The following HBP1 variants were observed in gnomAD, a reference collection of about 807,000 sequenced individuals.
HBP1 encodes the protein HMG-box transcription factor 1.
HBP1 carries 20 observed loss-of-function variants against 62.6 expected under a neutral mutation model. The ratio of observed to expected loss-of-function variants is 0.32; its 90% CI spans 0.22 to 0.46. The LOEUF (loss-of-function observed/expected upper bound fraction) is 0.46. HBP1 is among the 20% of genes least tolerant of loss of function. The pLI is 1.00. For missense variants in HBP1, 480 were observed against 611.8 expected, an observed-to-expected ratio of 0.78 and a Z score of 2.27; for synonymous variants, 232 against 206.2, an observed-to-expected ratio of 1.12 and a Z score of -1.07.
intron 9 of HBP1, among the ~76,000 whole-genome samples, chr7:107,198,739 CAT>C (rs1798050436): frequency 1.3e-5 from 2 of 152,280 alleles, no homozygotes; most frequent in South Asian, 2.1e-4. Context: ...AGGTCAGAGA[CAT>C]GTAGCTCATT....
At chr7:107,180,277 T>G (rs1278626713) in intron 2 of HBP1, among the ~76,000 whole-genome samples, 1 of 152,234 alleles carries the variant, frequency 6.6e-6, no homozygotes, top group Admixed American at 6.5e-5. Context: ...ATTTACAGAT[T>G]GTTAAATTAA....
chr7:107,193,456 A>T (rs1365320702), intron 8 of HBP1, among the ~76,000 whole-genome samples: 1 of 152,128 alleles, frequency 6.6e-6, no homozygotes, highest in African/African-American at 2.4e-5. Context: ...GATACTCCTA[A>T]TGGCAAAATA....
intron 1 of HBP1, among the ~76,000 whole-genome samples, chr7:107,177,910 C>A (rs1796934686): frequency 6.6e-6 from 1 of 151,740 alleles, no homozygotes; most frequent in African/African-American, 2.4e-5. Flanking sequence ...GTCAGGAATA[C>A]ATTTCAAAAC....
Position 107,190,327 on chromosome 7 carries a change from G to T in HBP1, c.1067+10G>T. ...TTGATACATTTAAAAGGTAATATTGGATTAATTCTTTGTTTTATTTTCCTC... is the reference window on the plus strand; with the variant it reads ...TTGATACATTTAAAAGGTAATATTGTATTAATTCTTTGTTTTATTTTCCTC... On this transcript the variant is annotated intron_variant, in intron 8 of 10. Transcript: ENST00000222574. 1 of 1,578,872 alleles carries T rather than the reference G, an allele frequency of 6.3e-7. No individual in the cohort carries two copies.
intron 1 of HBP1, chr7:107,169,674 C>T: frequency 1.1e-6 from 1 of 898,900 alleles, no homozygotes; most frequent in Non-Finnish European, 1.3e-6. Flanking sequence ...TCTGGCTGAG[C>T]TGAGGAGCTC....
intron 1 of HBP1, chr7:107,174,801 G>A: frequency 1.8e-6 from 1 of 557,826 alleles, no homozygotes; most frequent in Non-Finnish European, 2.3e-6. Context: ...GCTCACATCT[G>A]TATGTGAAGC....
intron 1 of HBP1, among the ~76,000 whole-genome samples, chr7:107,171,384 T>G (rs1365677920): frequency 1.3e-5 from 2 of 151,808 alleles, no homozygotes; most frequent in Non-Finnish European, 2.9e-5. Context: ...ATATTTTAAC[T>G]TCTTTGGATT....
At chr7:107,196,947 A>T (rs1797934444) in intron 9 of HBP1, 1 of 152,400 alleles carries the variant, frequency 6.6e-6, no homozygotes, top group Non-Finnish European at 1.5e-5. Flanking sequence ...CTGTTGGAGG[A>T]CACGGTTCTA....
chr7:107,181,403 C>T (rs1797099464), intron 2 of HBP1, among the ~76,000 whole-genome samples: 1 of 151,920 alleles, frequency 6.6e-6, no homozygotes, highest in Non-Finnish European at 1.5e-5. Context: ...GCCCAGGGGT[C>T]CAAGGCTGCA....
chr7:107,189,229 G>T, intron 6 of HBP1, 63 bp from the exon 7 acceptor site: 1 of 1,355,368 alleles, frequency 7.4e-7, no homozygotes, highest in Non-Finnish European at 1.0e-6. Flanking sequence ...ACATGTAATG[G>T]GAACTTCACA....
intron 4 of HBP1, 79 bp from the exon 5 acceptor site, chr7:107,186,282 A>G (rs1797370937): frequency 1.2e-6 from 1 of 856,124 alleles, no homozygotes; most frequent in African/African-American, 1.7e-5. Flanking sequence ...GCATGGGCCT[A>G]AAGACGTGGG....
Position 107,179,892 on chromosome 7 carries a change from A to G in HBP1, c.-2A>G. 1 of 1,578,354 alleles carries G rather than the reference A, an allele frequency of 6.3e-7. No individual in the cohort carries two copies. Among genetic ancestry groups the G allele is most frequent in the Middle Eastern group, 1.7e-4 (1 of 5,940 alleles). On this transcript the variant is annotated 5_prime_UTR_variant, in exon 2 of 11. Coordinates refer to ENST00000222574, the MANE Select transcript of HBP1 (RefSeq NM_012257.4). ...TTTTATTTTAAGTCAGAGCACCATA[A>G]CATGGTGTGGGAAGTGAAGACAAAT...
intron 3 of HBP1, among the ~76,000 whole-genome samples, chr7:107,184,514 T>C (rs1797259655): frequency 6.6e-6 from 1 of 152,126 alleles, no homozygotes; most frequent in Non-Finnish European, 1.5e-5. Context: ...CTCTCTTTTT[T>C]GTTTTTGTTT....
chr7:107,185,882 G>C lies in HBP1; in HGVS notation c.480G>C (p.Lys160Asn). The change falls in exon 4 of 11, where the codon AAG (lysine) becomes AAC (asparagine). Residue 160 changes from lysine (K) to asparagine (N), a missense_variant. Coordinates refer to ENST00000222574, the MANE Select transcript of HBP1 (RefSeq NM_012257.4). The part of the protein sequence containing the change: ...ARPPPVSSSS[K>N]SEPAFPHHHW... The stretch of plus-strand genomic sequence containing the variant: ...CTCCACCAGTGTCCTCTTCTTCGAA[G>C]AGTGAACCAGCCTTCCCTCATCACC... The C allele has an allele frequency of 1.2e-6, 2 of 1,613,304 alleles. No individual in the cohort carries two copies. Among genetic ancestry groups the C allele is most frequent in the Non-Finnish European group, 1.7e-6 (2 of 1,179,250 alleles).
In HBP1 at chr7:107,182,415, A is replaced by C; in HGVS notation, c.212A>C (p.Gln71Pro). 1 of 1,613,660 alleles carries C rather than the reference A, an allele frequency of 6.2e-7. No homozygotes were observed. Among genetic ancestry groups the C allele is most frequent in the Non-Finnish European group, 8.5e-7 (1 of 1,179,556 alleles). The change falls in exon 3 of 11, where the codon CAA (glutamine) becomes CCA (proline). Residue 71 changes from glutamine to proline, a missense_variant. By Grantham distance (76) the Gln-to-Pro change is moderately conservative (BLOSUM62 -1). This residue lies in a region of HBP1 where 304 missense variants were observed against 330.9 expected (regional missense o/e 0.92). Coordinates refer to ENST00000222574, the MANE Select transcript of HBP1 (RefSeq NM_012257.4). ...ELQAVQSDPT[Q>P]SGMYQLSSDV... ...CAGGCAGTTCAAAGTGATCCTACCC[A>C]ATCTGGCATGTACCAGCTGAGTTCA...
Position 107,196,042 on chromosome 7 carries a change from G to T in HBP1, c.1276G>T (p.Val426Leu). 1 of 1,613,784 alleles carries T rather than the reference G, an allele frequency of 6.2e-7. No homozygotes were observed. Among genetic ancestry groups the T allele is most frequent in the Non-Finnish European group, 8.5e-7 (1 of 1,179,674 alleles). ...KAVKNHSSGT[V>L]SATSPNKCKR... ...TGTCAAAAACCACAGCTCAGGGACT[G>T]TGAGTGCCACTTCTCCTAATAAGTG... Residue 426 changes from valine (V) to leucine (L), a missense_variant, in exon 9 of 11, where the codon GTG (valine) becomes TTG (leucine). Transcript: ENST00000222574.
intron 1 of HBP1, among the ~76,000 whole-genome samples, chr7:107,179,028 C>A (rs142047980): frequency 6.6e-6 from 1 of 150,792 alleles, no homozygotes; most frequent in Non-Finnish European, 1.5e-5. Context: ...AGCGAGACTC[C>A]GTCTCAAAAA....
intron 1 of HBP1, among the ~76,000 whole-genome samples, chr7:107,177,044 T>A (rs913162495): frequency 4.6e-5 from 7 of 152,240 alleles, no homozygotes; most frequent in African/African-American, 1.4e-4. Flanking sequence ...CTGTTAATTA[T>A]GTATTTTCAG....
chr7:107,184,436 T>G (rs1797253630), intron 3 of HBP1, among the ~76,000 whole-genome samples: 1 of 152,164 alleles, frequency 6.6e-6, no homozygotes, highest in South Asian at 2.1e-4. Flanking sequence ...TTAATGAGGA[T>G]AAGGTAGAAA....
Sources: gnomAD v4.1 joint callset for allele counts (sites outside exome capture counted in the v4.1 genomes callset) on GRCh38, gnomAD v4.1.1 for gene constraint, gnomAD v4.1.1 regional missense constraint, MANE v1.5 for transcripts, NCBI Gene and HGNC (gene_info 2026-07-23, HGNC 2026-07-21) for gene names.